Variants in SHISA9 observed in about 807,000 individuals in gnomAD.
SHISA9 encodes the protein protein shisa-9.
In SHISA9, 13 loss-of-function variants were observed where a neutral mutation model predicts 38.0. The ratio of observed to expected loss-of-function variants is 0.34; its 90% confidence interval spans 0.22 to 0.54. SHISA9 has a LOEUF of 0.54. SHISA9 is among the 20% of genes least tolerant of loss of function. The pLI is 0.91. For synonymous variants in SHISA9, 275 were observed against 242.0 expected, an observed-to-expected ratio of 1.14 and a Z score of -1.27; for missense variants, 538 against 575.8, an observed-to-expected ratio of 0.93 and a Z score of 0.67.
the SHISA9 span, among the ~76,000 whole-genome samples, chr16:13,503,045 G>A: frequency 3.9e-5 from 6 of 152,262 alleles, no homozygotes; most frequent in Admixed American, 1.3e-4. Flanking sequence ...TAACAGGGAC[G>A]ACATGGCAGT....
the SHISA9 span, among the ~76,000 whole-genome samples, chr16:13,311,459 C>T: frequency 9.8e-3 from 1,492 of 152,088 alleles, 29 homozygotes; most frequent in African/African-American, 0.034. Flanking sequence ...CAAGCCCAGC[C>T]CCATGTAGAG....
chr16:13,167,064 TCTTTTTTC>T (rs997198217), intron 2 of SHISA9, among the ~76,000 whole-genome samples: 3 of 105,646 alleles, frequency 2.8e-5, no homozygotes, highest in African/African-American at 3.8e-5. Context: ...TCTCTCTCTC[TCTTTTTTC>T]TTTTTTTTTT....
the SHISA9 span, among the ~76,000 whole-genome samples, chr16:13,249,750 C>G: frequency 1.3e-5 from 2 of 151,922 alleles, no homozygotes; most frequent in East Asian, 3.9e-4. Context: ...TATTTTACTT[C>G]TTAGAAACAA....
intron 2 of SHISA9, among the ~76,000 whole-genome samples, chr16:13,014,035 T>TAATA (rs2072711827): frequency 6.6e-6 from 1 of 152,088 alleles, no homozygotes; most frequent in Non-Finnish European, 1.5e-5. Context: ...GGCCTGAAAA[T>TAATA]AATACCTTTA....
the SHISA9 span, among the ~76,000 whole-genome samples, chr16:13,355,292 T>C: frequency 4.0e-5 from 6 of 151,712 alleles, no homozygotes; most frequent in Admixed American, 6.6e-5. Context: ...CTTTTTAAAG[T>C]GTGCTGTGGG....
the SHISA9 span, among the ~76,000 whole-genome samples, chr16:13,518,042 A>T: frequency 6.6e-6 from 1 of 152,066 alleles, no homozygotes; most frequent in Non-Finnish European, 1.5e-5. Flanking sequence ...AGTCTGGTGA[A>T]TTGCGCTCTG....
chr16:13,016,480 T>C (rs2072758955), intron 2 of SHISA9, among the ~76,000 whole-genome samples: 1 of 152,170 alleles, frequency 6.6e-6, no homozygotes, highest in Non-Finnish European at 1.5e-5. Context: ...GGTTGTGTAA[T>C]GGGCAGTGGT....
At chr16:13,359,597 G>T in the SHISA9 span, among the ~76,000 whole-genome samples, 1 of 152,104 alleles carries the variant, frequency 6.6e-6, no homozygotes, top group East Asian at 1.9e-4. Context: ...ATCCAATATG[G>T]GTGAAAACTC....
chr16:13,059,446 A>G (rs1418029959), intron 2 of SHISA9, among the ~76,000 whole-genome samples: 1 of 152,124 alleles, frequency 6.6e-6, no homozygotes, highest in Non-Finnish European at 1.5e-5. Context: ...GACTATTTAC[A>G]GAGGTACAGA....
chr16:13,017,425 T>G (rs975098179), intron 2 of SHISA9, among the ~76,000 whole-genome samples: 3 of 152,220 alleles, frequency 2.0e-5, no homozygotes, highest in African/African-American at 7.2e-5. Context: ...TACCTCATTT[T>G]GCAAACAAGG....
At chr16:13,405,941 C>CAA in the SHISA9 span, among the ~76,000 whole-genome samples, 4 of 105,420 alleles carry the variant, frequency 3.8e-5, no homozygotes, top group African/African-American at 1.0e-4. Context: ...GAAATCATGA[C>CAA]AAAAAAAAAA....
chr16:12,909,309 A>C, intron 1 of SHISA9: 1 of 985,398 alleles, frequency 1.0e-6, no homozygotes, highest in Non-Finnish European at 1.2e-6. Context: ...TGTAATCATT[A>C]CTCTAGAAAG....
the SHISA9 span, among the ~76,000 whole-genome samples, chr16:13,348,248 G>C: frequency 6.6e-6 from 1 of 152,052 alleles, no homozygotes; most frequent in Non-Finnish European, 1.5e-5. Context: ...AGATTTAACA[G>C]TGTCGGCATC....
rs561422730 is a variant in SHISA9, at chr16:12,950,314, C to G, written c.691+33499C>G. Among the ~76,000 whole-genome samples the G allele has an allele frequency of 1.6e-3, 242 of 152,286 alleles. 12 individuals carry two copies. The South Asian group carries it at 0.048, about 30-fold the overall frequency. Reference sequence around the variant, plus strand: ...CATATCTTGGCTATTGTGAATAATGCCACTATAAACAAGGGAGTGCATATA... The same window carrying G: ...CATATCTTGGCTATTGTGAATAATGGCACTATAAACAAGGGAGTGCATATA... On this transcript the variant is annotated intron_variant, in intron 2 of 4. Transcript: ENST00000558583.
the SHISA9 span, among the ~76,000 whole-genome samples, chr16:13,282,185 C>A: frequency 6.6e-6 from 1 of 151,986 alleles, no homozygotes; most frequent in African/African-American, 2.4e-5. Context: ...TGCAGGCATG[C>A]TGGTAATGTA....
At chr16:13,373,715 T>C in the SHISA9 span, among the ~76,000 whole-genome samples, 122,658 of 149,528 alleles carry the variant, frequency 0.82, 50,402 homozygotes, top group East Asian at 0.96. Context: ...TGACCGAGAT[T>C]GCACCACTGC....
chr16:13,475,674 A>T, the SHISA9 span, among the ~76,000 whole-genome samples: 1 of 152,150 alleles, frequency 6.6e-6, no homozygotes, highest in Non-Finnish European at 1.5e-5. Flanking sequence ...TTTATTGCGG[A>T]TTTTATTTCT....
At chr16:13,019,931 CTTTCTTTCTT>C (rs1567184185) in intron 2 of SHISA9, among the ~76,000 whole-genome samples, 320 of 94,804 alleles carry the variant, frequency 3.4e-3, no homozygotes, top group Middle Eastern at 6.2e-3. Flanking sequence ...TTCTTTCTTT[CTTTCTTTCTT>C]TCTTTCTTTC....
intron 3 of SHISA9, chr16:13,204,784 T>G (rs2051047379): frequency 6.6e-6 from 1 of 152,190 alleles, no homozygotes; most frequent in African/African-American, 2.4e-5. Flanking sequence ...ACTGAGACTC[T>G]AAGAGGCTAA....
Sources: gnomAD v4.1 joint callset for allele counts (sites outside exome capture counted in the v4.1 genomes callset) on GRCh38, gnomAD v4.1.1 for gene constraint, MANE v1.5 for transcripts, NCBI Gene and HGNC (gene_info 2026-07-23, HGNC 2026-07-21) for gene names.